The following GALNT18 variants were observed in gnomAD, a reference collection of about 807,000 sequenced individuals.
The protein encoded by GALNT18 is polypeptide N-acetylgalactosaminyltransferase 18.
A neutral mutation model predicts 69.5 loss-of-function variants in GALNT18; 44 were observed. The observed-to-expected ratio is 0.63, with a 90% CI of 0.50 to 0.81. The LOEUF is 0.81. GALNT18 is among the 40% of genes least tolerant of loss of function. The probability of loss-of-function intolerance (pLI) is 0.00; values close to 1 mark genes in which losing one functional copy is unlikely to be tolerated. For synonymous variants in GALNT18, 364 were observed against 318.2 expected (o/e 1.14, Z -1.53); for missense variants, 715 against 810.0 (o/e 0.88, Z 1.42).
intron 1 of GALNT18, among the ~76,000 whole-genome samples, chr11:11,468,215 A>G (rs1856192666): frequency 1.3e-5 from 2 of 152,226 alleles, no homozygotes; most frequent in Admixed American, 1.3e-4. Flanking sequence ...AAGTTTAATA[A>G]CTTATGACTG....
chr11:11,506,193 C>T (rs953454720), intron 1 of GALNT18, among the ~76,000 whole-genome samples: 1 of 152,188 alleles, frequency 6.6e-6, no homozygotes, highest in Non-Finnish European at 1.5e-5. Flanking sequence ...GCATACAGCT[C>T]CTCTGGCAAG....
chr11:11,277,105 C>A (rs1481786592), intron 10 of GALNT18, among the ~76,000 whole-genome samples: 1 of 152,124 alleles, frequency 6.6e-6, no homozygotes, highest in Non-Finnish European at 1.5e-5. Flanking sequence ...ACTCTTTGTG[C>A]CTCTGGTAGA....
In GALNT18 at chr11:11,315,533, C is replaced by T. The variant is rs1849737827; in HGVS notation, c.1512+11553G>A. ...GTGGGGATAACCGCAGGTTTTCAGC[C>T]CAACTCTTAGCCTCCGATGTCCCCT... On this transcript the variant is annotated intron_variant, in intron 9 of 10. Transcript: ENST00000227756. This position sits in a 1 kb window ranked among gnomAD's most constrained non-coding sequence, Gnocchi z 5.6. 6.6e-6 allele frequency among the ~76,000 whole-genome samples: 1 copy of T among 152,106 alleles called. No individual in the cohort carries two copies. Among genetic ancestry groups the T allele is most frequent in the Non-Finnish European group, 1.5e-5 (1 of 68,028 alleles).
chr11:11,307,977 C>T (rs7952416), intron 9 of GALNT18, among the ~76,000 whole-genome samples: 32 of 152,110 alleles, frequency 2.1e-4, no homozygotes, highest in African/African-American at 7.0e-4. Context: ...CAGGGGTGAC[C>T]GCAGTGGCTG....
chr11:11,418,188 C>T (rs1854910315), intron 3 of GALNT18, among the ~76,000 whole-genome samples: 1 of 152,188 alleles, frequency 6.6e-6, no homozygotes, highest in Non-Finnish European at 1.5e-5. Context: ...ATTCACTGAG[C>T]CCTCATGGGG....
chr11:11,524,117 A>G (rs1857465511), intron 1 of GALNT18, among the ~76,000 whole-genome samples: 1 of 152,178 alleles, frequency 6.6e-6, no homozygotes, highest in African/African-American at 2.4e-5. Flanking sequence ...AAGAAAGGCT[A>G]GAAATCACTT....
At chr11:11,571,911 T>A (rs888399057) in intron 1 of GALNT18, among the ~76,000 whole-genome samples, 2 of 152,204 alleles carry the variant, frequency 1.3e-5, no homozygotes, top group Non-Finnish European at 2.9e-5. Context: ...TTCCTGTCCC[T>A]CTGCCCTGGG....
At chr11:11,275,832 C>G (rs1848932350) in intron 10 of GALNT18, among the ~76,000 whole-genome samples, 1 of 152,154 alleles carries the variant, frequency 6.6e-6, no homozygotes, top group African/African-American at 2.4e-5. Flanking sequence ...TGTCAAAGAT[C>G]AGATTGTTGT....
rs145736860 is a variant in GALNT18, at chr11:11,602,712, T to C, written c.235+18647A>G. Among the ~76,000 whole-genome samples the C allele has an allele frequency of 8.6e-4, 131 of 152,322 alleles. 2 individuals carry two copies. The East Asian group carries it at 0.024, about 27-fold the overall frequency. On this transcript the variant is annotated intron_variant, in intron 1 of 10. Transcript: ENST00000227756. This position sits in a 1 kb window ranked among gnomAD's most constrained non-coding sequence, Gnocchi z 4.7. ...TCACTGGGCAAAGGACCCACAGAGC[T>C]CCTCACACTGCCATTCCAGTTCTTC...
intron 6 of GALNT18, among the ~76,000 whole-genome samples, chr11:11,366,892 G>A (rs1388998617): frequency 6.6e-6 from 1 of 152,232 alleles, no homozygotes; most frequent in East Asian, 1.9e-4. Flanking sequence ...ACCTAGGAGA[G>A]GGGATGAAAA....
chr11:11,545,736 C>T (rs1858040049), intron 1 of GALNT18, among the ~76,000 whole-genome samples: 1 of 152,150 alleles, frequency 6.6e-6, no homozygotes, highest in African/African-American at 2.4e-5. Context: ...AGGGGACAGC[C>T]AAGCCAGGGG....
At position 11,453,078 on chromosome 11, in the gene GALNT18, T is replaced by C. The variant is rs115836685; in HGVS notation, c.236-4142A>G. ...TGCTTGTCTGGGTCCCAGGGAGAAA[T>C]AGGATGAAAGGGAAAGTGAAGGGGC... On this transcript the variant is annotated intron_variant, in intron 1 of 10. Coordinates refer to ENST00000227756, the MANE Select transcript of GALNT18 (RefSeq NM_198516.3). Among the ~76,000 whole-genome samples, 1,056 of 151,780 alleles carry C rather than the reference T, an allele frequency of 7.0e-3. 14 individuals carry two copies. Among genetic ancestry groups the C allele is most frequent in the African/African-American group, 0.025 (1,014 of 41,348 alleles).
At chr11:11,545,266 A>G (rs1309899465) in intron 1 of GALNT18, among the ~76,000 whole-genome samples, 1 of 152,242 alleles carries the variant, frequency 6.6e-6, no homozygotes, top group Non-Finnish European at 1.5e-5. Context: ...CGCTTTCATA[A>G]AAGTAAAGAA....
chr11:11,602,412 C>A lies in GALNT18; in HGVS notation c.235+18947G>T, dbSNP rs996436323. The stretch of plus-strand genomic sequence containing the variant: ...ACATGAGAAATCCTGGTGGCCTGGC[C>A]CTTCTGGGAGAGAAATATAGCCCTA... On this transcript the variant is annotated intron_variant, in intron 1 of 10. Coordinates refer to ENST00000227756, the MANE Select transcript of GALNT18 (RefSeq NM_198516.3). This position sits in a 1 kb window ranked among gnomAD's most constrained non-coding sequence, Gnocchi z 4.7. Among the ~76,000 whole-genome samples, 7 of 152,110 alleles carry A rather than the reference C, an allele frequency of 4.6e-5. No homozygotes were observed. Among genetic ancestry groups the A allele is most frequent in the Non-Finnish European group, 8.8e-5 (6 of 68,032 alleles).
rs1226463357 is a variant in GALNT18, at chr11:11,339,427, G to A, written c.1278+1392C>T. ...AGCTCTGGGGTACAGAGAGAAGGCA[G>A]TAAGAGTATGCTCACTCACCAGTCC... On this transcript the variant is annotated intron_variant, in intron 7 of 10. Coordinates refer to ENST00000227756, the MANE Select transcript of GALNT18 (RefSeq NM_198516.3). This position sits in a 1 kb window ranked among gnomAD's most constrained non-coding sequence, Gnocchi z 5.2. Among the ~76,000 whole-genome samples, 1 of 152,162 alleles carries A rather than the reference G, an allele frequency of 6.6e-6. No homozygotes were observed. Among genetic ancestry groups the A allele is most frequent in the Non-Finnish European group, 1.5e-5 (1 of 68,036 alleles).
intron 6 of GALNT18, among the ~76,000 whole-genome samples, chr11:11,348,751 T>G (rs1200737446): frequency 2.0e-5 from 3 of 152,216 alleles, no homozygotes; most frequent in Non-Finnish European, 2.9e-5. Flanking sequence ...CCCATGCCCC[T>G]ACCACGTATA....
intron 10 of GALNT18, among the ~76,000 whole-genome samples, chr11:11,276,874 G>C (rs577852091): frequency 1.3e-5 from 2 of 152,284 alleles, no homozygotes; most frequent in South Asian, 4.2e-4. Flanking sequence ...CTTGATCATG[G>C]TGGATAAGCT....
chr11:11,558,110 C>T (rs569087664), intron 1 of GALNT18, among the ~76,000 whole-genome samples: 1 of 152,312 alleles, frequency 6.6e-6, no homozygotes, highest in East Asian at 1.9e-4. Context: ...CACATATCCT[C>T]CTTCTGCCAC....
intron 1 of GALNT18, among the ~76,000 whole-genome samples, chr11:11,561,667 T>G (rs550360488): frequency 2.6e-5 from 4 of 152,318 alleles, no homozygotes; most frequent in African/African-American, 9.6e-5. Context: ...AGTGCAGAAC[T>G]GTGCCCAGCG....
Sources: allele counts gnomAD v4.1 joint callset (sites outside exome capture counted in the v4.1 genomes callset), GRCh38; gene constraint gnomAD v4.1.1; non-coding constraint Gnocchi (gnomAD v3.1); transcripts MANE v1.5; gene names NCBI Gene and HGNC (gene_info 2026-07-23, HGNC 2026-07-21).